The following LRRC1 variants were observed in gnomAD, a reference collection of about 807,000 sequenced individuals.
The protein encoded by LRRC1 is leucine rich repeat containing 1.
A neutral mutation model predicts 69.9 loss-of-function variants in LRRC1; 28 were observed. The observed-to-expected ratio is 0.40, with a 90% CI of 0.30 to 0.55. LRRC1 has a LOEUF of 0.55. Among genes scored for constraint, LRRC1 ranks in the 20% least tolerant of loss-of-function variants. The probability of loss-of-function intolerance (pLI) is 0.47; values close to 1 mark genes in which losing one functional copy is unlikely to be tolerated. For missense variants in LRRC1, 498 were observed against 609.0 expected (o/e 0.82, Z 1.92); for synonymous variants, 236 against 240.2 (o/e 0.98, Z 0.16).
Position 53,837,052 on chromosome 6 carries a change from A to G in LRRC1, c.160-5058A>G, listed in dbSNP as rs573987003. Among the ~76,000 whole-genome samples, 6 of 152,272 alleles carry G rather than the reference A, an allele frequency of 3.9e-5. No homozygotes were observed. The East Asian group carries it at 1.2e-3, about 29-fold the overall frequency. ...TTCATCCATGTCATAACTAACGGTA[A>G]GCTTTCATTTTCATTGCTGTGTAGA... On this transcript the variant is annotated intron_variant, in intron 1 of 13. Transcript: ENST00000370888.
intron 10 of LRRC1, among the ~76,000 whole-genome samples, chr6:53,910,291 A>G (rs2745462): frequency 0.15 from 22,921 of 152,118 alleles, 1,835 homozygotes; most frequent in African/African-American, 0.16. Context: ...ATAACTGGTA[A>G]TAAGTTATTT....
rs138182945 is a variant in LRRC1, at chr6:53,821,623, T to C, written c.160-20487T>C. ...TTTATCCTCATTTGCTCTTAGAATA[T>C]TGGATGATCATGATTATTATCTGAG... is the stretch of plus-strand genomic sequence containing the variant. On this transcript the variant is annotated intron_variant, in intron 1 of 13. Transcript: ENST00000370888. Among the ~76,000 whole-genome samples, 299 of 152,292 alleles carry C rather than the reference T, an allele frequency of 2.0e-3. 4 individuals carry two copies. In the East Asian group the frequency reaches 0.041, roughly 21 times the overall value.
intron 2 of LRRC1, among the ~76,000 whole-genome samples, chr6:53,866,012 G>A (rs146189170): frequency 2.6e-5 from 4 of 152,024 alleles, no homozygotes; most frequent in Non-Finnish European, 5.9e-5. Flanking sequence ...GAACCACTGC[G>A]CCTGGCTAAG....
intron 1 of LRRC1, among the ~76,000 whole-genome samples, chr6:53,811,575 T>C (rs1314604261): frequency 2.0e-5 from 3 of 152,236 alleles, no homozygotes; most frequent in African/African-American, 4.8e-5. Context: ...AAAACCTCAG[T>C]TGTAACTTTT....
At chr6:53,819,250 T>C (rs1360198608) in intron 1 of LRRC1, among the ~76,000 whole-genome samples, 2 of 152,182 alleles carry the variant, frequency 1.3e-5, no homozygotes, top group Non-Finnish European at 1.5e-5. Flanking sequence ...AGTTCGGGTA[T>C]CTTTTCTGGG....
intron 2 of LRRC1, among the ~76,000 whole-genome samples, chr6:53,872,572 C>T (rs1766924644): frequency 6.6e-6 from 1 of 151,668 alleles, no homozygotes; most frequent in Non-Finnish European, 1.5e-5. Flanking sequence ...ATGTTGCTTC[C>T]AGCTTTGTTC....
chr6:53,902,482 A>G (rs1768091542), intron 8 of LRRC1, 147 bp from the exon 9 acceptor site: 1 of 461,934 alleles, frequency 2.2e-6, no homozygotes, highest in Non-Finnish European at 3.8e-6. Context: ...TCTAAATGAT[A>G]GAGTTTCATA....
At chr6:53,854,077 C>A (rs904944350) in intron 2 of LRRC1, among the ~76,000 whole-genome samples, 2 of 152,192 alleles carry the variant, frequency 1.3e-5, no homozygotes, top group East Asian at 1.9e-4. Context: ...CTTCTCTGAG[C>A]AAACCAACTG....
At chr6:53,897,032 T>A in intron 6 of LRRC1, 140 bp downstream of exon 6, 1 of 658,678 alleles carries the variant, frequency 1.5e-6, no homozygotes, top group Admixed American at 2.9e-5. Flanking sequence ...CAGCTTTATT[T>A]CACACAAGTT....
intron 2 of LRRC1, among the ~76,000 whole-genome samples, chr6:53,872,163 T>C (rs1766907735): frequency 6.6e-6 from 1 of 152,200 alleles, no homozygotes; most frequent in Non-Finnish European, 1.5e-5. Flanking sequence ...TTCTTCTGCA[T>C]GTGGATATCC....
At chr6:53,901,173 C>T (rs764166479) in intron 8 of LRRC1, among the ~76,000 whole-genome samples, 6 of 152,158 alleles carry the variant, frequency 3.9e-5, no homozygotes, top group South Asian at 2.1e-4. Flanking sequence ...TGACTTCAAA[C>T]GTTTAAAGGA....
At chr6:53,892,009 T>TACACACACACACACACACACAC in intron 4 of LRRC1, among the ~76,000 whole-genome samples, 1 of 74,644 alleles carries the variant, frequency 1.3e-5, no homozygotes, top group East Asian at 3.6e-4. Flanking sequence ...AATATATATA[T>TACACACACACACACACACACAC]ATACACACAC....
chr6:53,808,563 T>C (rs1477630874), intron 1 of LRRC1, among the ~76,000 whole-genome samples: 1 of 152,138 alleles, frequency 6.6e-6, no homozygotes, highest in Non-Finnish European at 1.5e-5. Context: ...TCACATAAAC[T>C]GGTTTATTTT....
intron 2 of LRRC1, among the ~76,000 whole-genome samples, chr6:53,871,678 G>A (rs1483417609): frequency 1.3e-5 from 2 of 151,998 alleles, no homozygotes; most frequent in South Asian, 2.1e-4. Flanking sequence ...GTTTTGTTTC[G>A]TTTTTTGAGA....
chr6:53,901,256 T>C (rs1768048374), intron 8 of LRRC1, among the ~76,000 whole-genome samples: 1 of 152,226 alleles, frequency 6.6e-6, no homozygotes, highest in Non-Finnish European at 1.5e-5. Flanking sequence ...GTGAATTTCA[T>C]TTAAGAAAGA....
chr6:53,912,702 T>C (rs1768451286), intron 10 of LRRC1, among the ~76,000 whole-genome samples: 1 of 152,218 alleles, frequency 6.6e-6, no homozygotes. Context: ...TGCATTCTGC[T>C]TTTGAAGATA....
chr6:53,860,277 C>A (rs1461545349), intron 2 of LRRC1, among the ~76,000 whole-genome samples: 1 of 152,164 alleles, frequency 6.6e-6, no homozygotes, highest in Non-Finnish European at 1.5e-5. Flanking sequence ...CATTCAATGG[C>A]AGAGCCAGAA....
At chr6:53,889,977 C>A (rs1452346934) in intron 4 of LRRC1, among the ~76,000 whole-genome samples, 2 of 152,124 alleles carry the variant, frequency 1.3e-5, no homozygotes, top group African/African-American at 2.4e-5. Context: ...CAGGCAGGTA[C>A]ACATAGCCAG....
At chr6:53,861,482 C>A (rs1042658869) in intron 2 of LRRC1, among the ~76,000 whole-genome samples, 2 of 150,392 alleles carry the variant, frequency 1.3e-5, no homozygotes, top group Admixed American at 6.7e-5. Flanking sequence ...CATCCTAGAT[C>A]TGCTGAATCA....
Sources: allele counts gnomAD v4.1 joint callset (sites outside exome capture counted in the v4.1 genomes callset), GRCh38; gene constraint gnomAD v4.1.1; transcripts MANE v1.5; gene names NCBI Gene and HGNC (gene_info 2026-07-23, HGNC 2026-07-21).